Variants in HNRNPC observed in about 807,000 individuals in gnomAD.
The protein encoded by HNRNPC is heterogeneous nuclear ribonucleoproteins C1/C2.
In HNRNPC, 3 loss-of-function variants were observed where a neutral mutation model predicts 33.2. The ratio of observed to expected loss-of-function variants is 0.09; its 90% CI spans 0.04 to 0.23. The LOEUF is 0.23. HNRNPC is among the 10% of genes least tolerant of loss of function. The pLI is 1.00. For synonymous variants in HNRNPC, 121 were observed against 126.7 expected, an observed-to-expected ratio of 0.96 and a Z score of 0.30; for missense variants, 143 against 366.7, an observed-to-expected ratio of 0.39 and a Z score of 4.98.
intron 2 of HNRNPC, among the ~76,000 whole-genome samples, chr14:21,260,960 C>CAAA (rs71112564): frequency 5.6e-5 from 5 of 88,510 alleles, no homozygotes; most frequent in African/African-American, 1.3e-4. Context: ...GAGACTGTCT[C>CAAA]AAAAAAAAAA....
At chr14:21,223,675 G>A (rs1188481530) in intron 5 of HNRNPC, among the ~76,000 whole-genome samples, 1 of 152,028 alleles carries the variant, frequency 6.6e-6, no homozygotes, top group Non-Finnish European at 1.5e-5. Context: ...CTTGAACCCA[G>A]GAGACAGAGG....
At chr14:21,230,653 T>C (rs1594243996) in intron 4 of HNRNPC, 1 of 505,674 alleles carries the variant, frequency 2.0e-6, no homozygotes, top group Admixed American at 3.6e-5. Flanking sequence ...AGCATTCTTA[T>C]ACCACACTTC....
intron 2 of HNRNPC, among the ~76,000 whole-genome samples, chr14:21,243,865 G>T (rs950218985): frequency 6.6e-6 from 1 of 152,086 alleles, no homozygotes; most frequent in African/African-American, 2.4e-5. Context: ...CCACGTAGAG[G>T]TTCTAACACT....
chr14:21,246,242 A>G (rs1379412901), intron 2 of HNRNPC, among the ~76,000 whole-genome samples: 4 of 152,054 alleles, frequency 2.6e-5, no homozygotes, highest in Non-Finnish European at 1.5e-5. Context: ...ACTCTTCCCC[A>G]TCCTAGCCAT....
At chr14:21,216,940 G>A (rs995489706) in intron 5 of HNRNPC, among the ~76,000 whole-genome samples, 7 of 152,098 alleles carry the variant, frequency 4.6e-5, no homozygotes, top group South Asian at 2.1e-4. Context: ...AGCTAGTTCC[G>A]TACTATCACT....
intron 5 of HNRNPC, among the ~76,000 whole-genome samples, chr14:21,222,925 G>T (rs920870195): frequency 6.6e-6 from 1 of 151,806 alleles, no homozygotes; most frequent in African/African-American, 2.4e-5. Flanking sequence ...CACCAGCTGG[G>T]CGTGATGGCT....
At chr14:21,220,238 G>T (rs1473259833) in intron 5 of HNRNPC, among the ~76,000 whole-genome samples, 30 of 139,820 alleles carry the variant, frequency 2.1e-4, no homozygotes, top group African/African-American at 5.0e-4. Context: ...TCTATTTCTG[G>T]TTTTTTTTTT....
intron 3 of HNRNPC, among the ~76,000 whole-genome samples, chr14:21,231,764 T>TC (rs1158316150): frequency 6.6e-6 from 1 of 152,098 alleles, no homozygotes; most frequent in African/African-American, 2.4e-5. Flanking sequence ...AACTCAACTC[T>TC]CCCCATTCAA....
chr14:21,246,537 A>G (rs1024131547), intron 2 of HNRNPC, among the ~76,000 whole-genome samples: 1 of 151,252 alleles, frequency 6.6e-6, no homozygotes, highest in African/African-American at 2.4e-5. Flanking sequence ...ACTGCACTCC[A>G]GCCTGGGAGA....
chr14:21,267,392 ATTC>A (rs1879199547), intron 1 of HNRNPC, among the ~76,000 whole-genome samples: 1 of 152,184 alleles, frequency 6.6e-6, no homozygotes, highest in Admixed American at 6.5e-5. Context: ...TTTGGAGTTT[ATTC>A]TTTGCTTGTT....
At chr14:21,229,647 C>A (rs1893885835) in intron 5 of HNRNPC, among the ~76,000 whole-genome samples, 1 of 152,200 alleles carries the variant, frequency 6.6e-6, no homozygotes, top group Admixed American at 6.5e-5. Context: ...GATTCCTTTA[C>A]AACTCCCATG....
chr14:21,245,935 T>A (rs948279630), intron 2 of HNRNPC, among the ~76,000 whole-genome samples: 3 of 152,028 alleles, frequency 2.0e-5, no homozygotes, highest in African/African-American at 7.3e-5. Context: ...AACCTCCACC[T>A]CCCAGGTTCA....
intron 2 of HNRNPC, among the ~76,000 whole-genome samples, chr14:21,243,950 A>G (rs1895652724): frequency 2.0e-5 from 3 of 149,402 alleles, no homozygotes; most frequent in Admixed American, 1.4e-4. Context: ...AAAACATAAA[A>G]ATGTTGATGG....
At chr14:21,252,295 A>C (rs1896756421) in intron 2 of HNRNPC, among the ~76,000 whole-genome samples, 1 of 152,158 alleles carries the variant, frequency 6.6e-6, no homozygotes, top group Non-Finnish European at 1.5e-5. Flanking sequence ...TCTGATACTA[A>C]ATGGACTTGT....
chr14:21,259,515 T>C (rs577291494), intron 2 of HNRNPC, among the ~76,000 whole-genome samples: 27 of 152,256 alleles, frequency 1.8e-4, no homozygotes, highest in African/African-American at 6.5e-4. Flanking sequence ...CCAAGATGTT[T>C]AAAATATTCT....
chr14:21,238,512 G>A (rs1330303185), intron 2 of HNRNPC, among the ~76,000 whole-genome samples: 1 of 152,084 alleles, frequency 6.6e-6, no homozygotes, highest in African/African-American at 2.4e-5. Flanking sequence ...ACAAGCTTGG[G>A]ATTTCTGTAG....
chr14:21,251,059 A>G (rs1384154803), intron 2 of HNRNPC, among the ~76,000 whole-genome samples: 3 of 152,028 alleles, frequency 2.0e-5, no homozygotes, highest in Non-Finnish European at 4.4e-5. Flanking sequence ...CAGGAGATCG[A>G]GACCGTCCTG....
At chr14:21,267,126 A>AC (rs1879153768) in intron 1 of HNRNPC, among the ~76,000 whole-genome samples, 2 of 141,800 alleles carry the variant, frequency 1.4e-5, no homozygotes, top group African/African-American at 2.6e-5. Flanking sequence ...AAAAAAAAAA[A>AC]ACAAAACTGC....
intron 4 of HNRNPC, 153 bp downstream of exon 4, chr14:21,230,821 ATTAACACAAAAATAATAAAACCT>A: frequency 1.5e-6 from 1 of 651,682 alleles, no homozygotes; most frequent in Non-Finnish European, 2.5e-6. Flanking sequence ...AAAGAGACAT[ATTAACACAAAAATAATAAAACCT>A]TATTTATACA....
Sources: allele counts gnomAD v4.1 joint callset (sites outside exome capture counted in the v4.1 genomes callset), GRCh38; gene constraint gnomAD v4.1.1; transcripts MANE v1.5; gene names NCBI Gene and HGNC (gene_info 2026-07-23, HGNC 2026-07-21).